CD9: variants seen among roughly 807,000 people sequenced by gnomAD.
CD9 encodes CD9 molecule.
A neutral mutation model predicts 31.4 loss-of-function variants in CD9; 10 were observed. The observed-to-expected ratio is 0.32, with a 90% CI of 0.20 to 0.54. The LOEUF (loss-of-function observed/expected upper bound fraction) is 0.54. Among genes scored for constraint, CD9 ranks in the 20% least tolerant of loss-of-function variants. The pLI, the probability that CD9 is intolerant of heterozygous loss-of-function variation, is 0.94. For synonymous variants in CD9, 113 were observed against 114.1 expected, an observed-to-expected ratio of 0.99 and a Z score of 0.06; for missense variants, 259 against 300.1, an observed-to-expected ratio of 0.86 and a Z score of 1.01.
At chr12:6,220,725 A>G (rs1946284504) in intron 1 of CD9, among the ~76,000 whole-genome samples, 1 of 152,208 alleles carries the variant, frequency 6.6e-6, no homozygotes, top group Non-Finnish European at 1.5e-5. Context: ...TGTTTTATAC[A>G]CTTTGTTTTA....
At chr12:6,228,329 A>G (rs1027640854) in intron 2 of CD9, among the ~76,000 whole-genome samples, 2 of 152,118 alleles carry the variant, frequency 1.3e-5, no homozygotes, top group African/African-American at 2.4e-5. Context: ...AGGCAGGCAG[A>G]TCACCCGAGG....
upstream of CD9, chr12:6,200,373 T>TA: frequency 3.3e-6 from 2 of 602,694 alleles, no homozygotes; most frequent in South Asian, 3.8e-5. Flanking sequence ...TGGCACTTTT[T>TA]AAAAGTGCAG....
chr12:6,232,897 C>G lies in CD9; in HGVS notation c.273+168C>G. ...GCCCCTCCCCGATGTGAGGCGTCGC[C>G]CCTCTTCCTTTCTGGAGCCTGTCTT... On this transcript the variant is annotated intron_variant, in intron 3 of 7. Transcript: ENST00000009180. The surrounding 1 kb of genome is among the most constrained non-coding windows in gnomAD (Gnocchi z 4.8). 1 of 703,884 alleles carries G rather than the reference C, an allele frequency of 1.4e-6. No individual in the cohort carries two copies. The highest frequency in any genetic ancestry group is 2.6e-6 in the Non-Finnish European group (1 of 385,878). The allele number at this position is 703,884 out of a possible 1,614,324, so 43.6% of individuals were successfully genotyped here.
At position 6,232,304 on chromosome 12, in the gene CD9, C is replaced by A; in HGVS notation, c.176-328C>A. Reference sequence around the variant, plus strand: ...GCTGGAAAGAGCTGACAGACTGGACCAGTTTGCATTCCGAATGTAGGGATT... The same window carrying A: ...GCTGGAAAGAGCTGACAGACTGGACAAGTTTGCATTCCGAATGTAGGGATT... On this transcript the variant is annotated intron_variant, in intron 2 of 7. Coordinates refer to ENST00000009180, the MANE Select transcript of CD9 (RefSeq NM_001769.4). The surrounding 1 kb of genome is among the most constrained non-coding windows in gnomAD (Gnocchi z 4.8). 2.5e-6 allele frequency: 1 copy of A among 406,842 alleles called. No homozygotes were observed. The highest frequency in any genetic ancestry group is 4.6e-6 in the Non-Finnish European group (1 of 218,910). The allele number at this position is 406,842 out of a possible 1,614,324, so 25.2% of individuals were successfully genotyped here. A position where few individuals can be genotyped will look rare whatever the true frequency, so the allele number is the denominator to read the frequency against.
intron 1 of CD9, among the ~76,000 whole-genome samples, chr12:6,209,463 A>G (rs11568206): frequency 2.1e-3 from 315 of 152,254 alleles, no homozygotes; most frequent in African/African-American, 7.2e-3. Context: ...CCACTAAGAC[A>G]TATTCCTCCT....
chr12:6,214,841 T>G (rs759138537), intron 1 of CD9, among the ~76,000 whole-genome samples: 10 of 152,100 alleles, frequency 6.6e-5, no homozygotes, highest in Non-Finnish European at 1.2e-4. Context: ...CACCAGGGCC[T>G]GTTACCAGAG....
chr12:6,206,516 G>A (rs540190896), intron 1 of CD9, among the ~76,000 whole-genome samples: 3 of 152,258 alleles, frequency 2.0e-5, no homozygotes, highest in South Asian at 4.1e-4. Flanking sequence ...GAGCCACCGC[G>A]CCTGGCCTAC....
chr12:6,235,144 A>T, intron 4 of CD9, 85 bp from the exon 5 acceptor site: 1 of 998,328 alleles, frequency 1.0e-6, no homozygotes, highest in Non-Finnish European at 1.6e-6. Flanking sequence ...GAGCTTAGAG[A>T]GAACAAGATG....
At chr12:6,208,731 C>T (rs995587281) in intron 1 of CD9, among the ~76,000 whole-genome samples, 1 of 151,942 alleles carries the variant, frequency 6.6e-6, no homozygotes, top group Non-Finnish European at 1.5e-5. Context: ...GCCACCATGC[C>T]CGGCTAATTT....
chr12:6,211,791 G>A (rs1006532770), intron 1 of CD9, among the ~76,000 whole-genome samples: 3 of 152,242 alleles, frequency 2.0e-5, no homozygotes, highest in Non-Finnish European at 4.4e-5. Flanking sequence ...GCTGGCCAGT[G>A]TATGCTACGC....
At chr12:6,216,900 C>G (rs145784555) in intron 1 of CD9, among the ~76,000 whole-genome samples, 50 of 152,282 alleles carry the variant, frequency 3.3e-4, no homozygotes, top group African/African-American at 1.2e-3. Flanking sequence ...TTATTATTGT[C>G]ATTTTTTTTC....
In CD9 at chr12:6,235,581, G is replaced by A. The variant is rs771179837; in HGVS notation, c.537+16G>A. The A allele has an allele frequency of 6.2e-7, 1 of 1,601,086 alleles. No individual in the cohort carries two copies. The highest frequency in any genetic ancestry group is 8.5e-7 in the Non-Finnish European group (1 of 1,171,032). ...CACCGTGAAGGTAAACTCAGACCAG[G>A]ATCCTGGTGTCCCTGCCCCCATTGC... is the stretch of plus-strand genomic sequence containing the variant. On this transcript the variant is annotated intron_variant, in intron 6 of 7. Transcript: ENST00000009180.
At chr12:6,233,202 CG>C (rs1219881966) in intron 3 of CD9, 10 of 636,052 alleles carry the variant, frequency 1.6e-5, no homozygotes, top group Non-Finnish European at 2.8e-5. Flanking sequence ...TCCTCATGTC[CG>C]GGCACCTTGC....
At position 6,232,878 on chromosome 12, in the gene CD9, C is replaced by A; in HGVS notation, c.273+149C>A. The A allele has an allele frequency of 1.4e-6, 1 of 709,926 alleles. No homozygotes were observed. 44.0% of individuals were successfully genotyped at this position (709,926 alleles called of 1,614,324 possible). A position where few individuals can be genotyped will look rare whatever the true frequency, so the allele number is the denominator to read the frequency against. On this transcript the variant is annotated intron_variant, in intron 3 of 7. Coordinates refer to ENST00000009180, the MANE Select transcript of CD9 (RefSeq NM_001769.4). This position sits in a 1 kb window ranked among gnomAD's most constrained non-coding sequence, Gnocchi z 4.8. ...TGAGCTGTCCTCAGCCTGGGCCCCT[C>A]CCCGATGTGAGGCGTCGCCCCTCTT...
intron 1 of CD9, among the ~76,000 whole-genome samples, chr12:6,219,088 C>T (rs1037358189): frequency 2.0e-5 from 3 of 152,098 alleles, no homozygotes; most frequent in Admixed American, 6.5e-5. Context: ...TCATTGCAAC[C>T]TCTGGCTCCC....
chr12:6,216,132 G>T (rs1946239933), intron 1 of CD9, among the ~76,000 whole-genome samples: 1 of 152,224 alleles, frequency 6.6e-6, no homozygotes, highest in Non-Finnish European at 1.5e-5. Flanking sequence ...CCAAGGCTTG[G>T]CATGCAGTAG....
chr12:6,204,571 A>G (rs1946110321), intron 1 of CD9, among the ~76,000 whole-genome samples: 1 of 151,946 alleles, frequency 6.6e-6, no homozygotes, highest in Admixed American at 6.6e-5. Context: ...AGGGGTGTTC[A>G]TTGCCCGTAT....
chr12:6,223,035 G>A (rs1371186505), intron 1 of CD9, among the ~76,000 whole-genome samples: 2 of 152,200 alleles, frequency 1.3e-5, no homozygotes, highest in Non-Finnish European at 2.9e-5. Flanking sequence ...GCACTGTCTC[G>A]CTATCTCCCT....
At chr12:6,202,977 C>A (rs903384141) in intron 1 of CD9, among the ~76,000 whole-genome samples, 5 of 152,156 alleles carry the variant, frequency 3.3e-5, no homozygotes, top group African/African-American at 1.2e-4. Context: ...AATTACTGTT[C>A]ATTTGTCCTG....
Sources: allele counts gnomAD v4.1 joint callset (sites outside exome capture counted in the v4.1 genomes callset), GRCh38; gene constraint gnomAD v4.1.1; non-coding constraint Gnocchi (gnomAD v3.1); transcripts MANE v1.5; gene names NCBI Gene and HGNC (gene_info 2026-07-23, HGNC 2026-07-21).